SART3: variants seen among roughly 807,000 people sequenced by gnomAD.
SART3 encodes the protein HIV-1 Tat-interacting protein of 110kDa.
In SART3, 44 loss-of-function variants were observed where a neutral mutation model predicts 122.3. That is an observed-to-expected ratio of 0.36 (90% CI 0.28 to 0.46). The LOEUF is 0.46. Among genes scored for constraint, SART3 ranks in the 20% least tolerant of loss-of-function variants. The pLI, the probability that SART3 is intolerant of heterozygous loss-of-function variation, is 1.00. For synonymous variants in SART3, 442 were observed against 454.0 expected (o/e 0.97, Z 0.34); for missense variants, 1,101 against 1,229.0 (o/e 0.90, Z 1.56).
intron 6 of SART3, 114 bp downstream of exon 6, chr12:108,542,914 A>T: frequency 7.3e-7 from 1 of 1,374,848 alleles, no homozygotes. Context: ...GTATACATTT[A>T]TACACTCTAT....
intron 12 of SART3, among the ~76,000 whole-genome samples, chr12:108,533,272 A>G (rs988728419): frequency 1.7e-4 from 25 of 151,510 alleles, no homozygotes; most frequent in African/African-American, 5.9e-4. Context: ...ACAGTGCACA[A>G]GTAATGGTGG....
chr12:108,551,038 A>T (rs777617054), intron 1 of SART3, among the ~76,000 whole-genome samples: 11 of 152,250 alleles, frequency 7.2e-5, no homozygotes, highest in Non-Finnish European at 1.2e-4. Context: ...ATTAAAAGGT[A>T]GATAATGGTA....
rs1593230450 is a variant in SART3 at position 108,524,306 on chromosome 12, A to G, written c.2714+10T>C. The stretch of plus-strand genomic sequence containing the variant: ...CGAAGTTTGCACTAGTCTACCATGC[A>G]AGCACTTACGCTCCGTATGTCTGCG... On this transcript the variant is annotated intron_variant, in intron 18 of 18. Coordinates refer to ENST00000546815, the MANE Select transcript of SART3 (RefSeq NM_014706.4). 7 of 1,611,766 alleles carry G rather than the reference A, an allele frequency of 4.3e-6. No homozygotes were observed. Among genetic ancestry groups the G allele is most frequent in the Non-Finnish European group, 5.9e-6 (7 of 1,178,680 alleles).
Position 108,561,017 on chromosome 12 carries a change from C to A in SART3, c.138G>T (p.Ala46=). 6.2e-7 allele frequency: 1 copy of A among 1,614,182 alleles called. No individual in the cohort carries two copies. ...ACGCTGGCCCCATGGTCTTGTATGT[C>A]GCAGCGGCCACAGCCCGCGATAACA... The part of the protein sequence containing the change: ...RKVLSRAVAA[A]TYKTMGPAWD... Residue 46 remains alanine, a synonymous_variant, in exon 1 of 19, where the codon GCG becomes GCT. Transcript: ENST00000546815.
At chr12:108,538,263 A>C (rs1192138044) in intron 7 of SART3, 60 bp from the exon 8 acceptor site, 1 of 1,587,074 alleles carries the variant, frequency 6.3e-7, no homozygotes, top group African/African-American at 1.3e-5. Context: ...ACCATCAACA[A>C]GACATTGCCA....
intron 13 of SART3, 51 bp from the exon 14 acceptor site, chr12:108,531,331 C>A (rs1253209225): frequency 2.8e-6 from 4 of 1,448,472 alleles, no homozygotes; most frequent in Admixed American, 1.7e-5. Flanking sequence ...TTGAAGGATA[C>A]AATCACATAA....
chr12:108,544,379 T>C (rs1873308097), intron 5 of SART3, 48 bp downstream of exon 5: 1 of 1,542,680 alleles, frequency 6.5e-7, no homozygotes, highest in Non-Finnish European at 9.0e-7. Flanking sequence ...CCCCAAAGCA[T>C]TTTAAAAACC....
intron 1 of SART3, among the ~76,000 whole-genome samples, chr12:108,555,715 T>A (rs1385376728): frequency 6.6e-6 from 1 of 152,202 alleles, no homozygotes; most frequent in East Asian, 1.9e-4. Context: ...ATATGCATGT[T>A]CTGGGTTAGA....
chr12:108,544,789 T>C, intron 4 of SART3: 1 of 575,568 alleles, frequency 1.7e-6, no homozygotes, highest in South Asian at 2.0e-5. Flanking sequence ...GGTCTTGTAC[T>C]CCTGAACTCA....
intron 3 of SART3, 23 bp downstream of exon 3, chr12:108,547,863 CA>C: frequency 3.8e-6 from 6 of 1,575,238 alleles, no homozygotes; most frequent in African/African-American, 1.3e-5. Flanking sequence ...GCCAGATATC[CA>C]AAAAAAGTCC....
intron 2 of SART3, 30 bp from the exon 3 acceptor site, chr12:108,548,021 T>C: frequency 1.3e-6 from 2 of 1,576,418 alleles, no homozygotes; most frequent in South Asian, 1.1e-5. Context: ...CCCGCATTAA[T>C]ACCAAAGGGT....
intron 1 of SART3, chr12:108,549,434 T>C (rs949620095): frequency 7.6e-6 from 4 of 527,736 alleles, no homozygotes; most frequent in East Asian, 6.9e-5. Context: ...TCTGTTACAG[T>C]TCCTGTTAGA....
chr12:108,534,585 C>A (rs1872824004), intron 12 of SART3, among the ~76,000 whole-genome samples: 1 of 151,880 alleles, frequency 6.6e-6, no homozygotes, highest in African/African-American at 2.4e-5. Flanking sequence ...GAGGCTGAGG[C>A]AGAAGAATTG....
chr12:108,558,799 C>T (rs1482074390), intron 1 of SART3, among the ~76,000 whole-genome samples: 2 of 152,012 alleles, frequency 1.3e-5, no homozygotes, highest in Non-Finnish European at 2.9e-5. Context: ...TTTGGGAGGC[C>T]GAGGCGGGCG....
intron 7 of SART3, 116 bp downstream of exon 7, chr12:108,538,818 G>T: frequency 1.6e-6 from 2 of 1,263,906 alleles, no homozygotes; most frequent in Non-Finnish European, 2.3e-6. Flanking sequence ...AGGAGAAAAA[G>T]CAGATGGAGG....
chr12:108,557,206 G>GTTTTTT lies in SART3; in HGVS notation c.312+3631_312+3636dup, dbSNP rs71076787. Among the ~76,000 whole-genome samples, 121 of 82,944 alleles carry GTTTTTT rather than the reference G, an allele frequency of 1.5e-3. 5 individuals carry two copies. The highest frequency in any genetic ancestry group is 3.1e-3 in the African/African-American group (58 of 18,464). The allele number at this position is 82,944 out of a possible 152,430, so 54.4% of individuals were successfully genotyped here. On this transcript the variant is annotated intron_variant, in intron 1 of 18. Transcript: ENST00000546815. ...GTCTTAGAACATCATTAATGACATA[G>GTTTTTT]TTTTTTTTTTTTTTTTTTTTTTTTT... is the stretch of plus-strand genomic sequence containing the variant.
chr12:108,545,365 C>G (rs2136684469), intron 3 of SART3, 42 bp from the exon 4 acceptor site: 2 of 1,597,212 alleles, frequency 1.3e-6, no homozygotes, highest in East Asian at 4.5e-5. Context: ...ATATAAAATA[C>G]CCAAATATCA....
chr12:108,534,005 A>G (rs1460191070), intron 12 of SART3, among the ~76,000 whole-genome samples: 1 of 152,222 alleles, frequency 6.6e-6, no homozygotes, highest in Non-Finnish European at 1.5e-5. Flanking sequence ...AGATCACAAC[A>G]GACAGAATCA....
In SART3 at chr12:108,561,172, T is replaced by G. The variant is rs771701028; in HGVS notation, c.-18A>C. The G allele has an allele frequency of 1.2e-6, 2 of 1,602,708 alleles. No homozygotes were observed. Among genetic ancestry groups the G allele is most frequent in the Non-Finnish European group, 8.5e-7 (1 of 1,170,584 alleles). On this transcript the variant is annotated 5_prime_UTR_variant, in exon 1 of 19. Transcript: ENST00000546815. ...GTCGCCATCTTGCGCTTCTAATGAC[T>G]CTCGGGTCTTCCCGCGGCCGCCGAA...
Sources: allele counts gnomAD v4.1 joint callset (sites outside exome capture counted in the v4.1 genomes callset), GRCh38; gene constraint gnomAD v4.1.1; transcripts MANE v1.5; gene names NCBI Gene and HGNC (gene_info 2026-07-23, HGNC 2026-07-21).